The following LAPTM4B variants were observed in gnomAD, a reference collection of about 807,000 sequenced individuals.
The protein encoded by LAPTM4B is lysosomal-associated transmembrane protein 4B.
Under a neutral mutation model 28.5 loss-of-function variants are expected in LAPTM4B, and 26 were observed. The observed-to-expected ratio is 0.91, with a 90% CI of 0.67 to 1.27. The LOEUF (loss-of-function observed/expected upper bound fraction) is 1.27, where lower values mean the gene tolerates loss of function less well. Ranked by LOEUF, LAPTM4B falls within the 50% of genes most tolerant of loss-of-function variation. LAPTM4B has a pLI of 0.00. For synonymous variants in LAPTM4B, 109 were observed against 106.4 expected, an observed-to-expected ratio of 1.02 and a Z score of -0.15; for missense variants, 288 against 285.8, an observed-to-expected ratio of 1.01 and a Z score of -0.06.
chr8:97,801,131 G>A (rs2468034), intron 1 of LAPTM4B, among the ~76,000 whole-genome samples: 150,441 of 151,288 alleles, frequency 0.99, 74,806 homozygotes, highest in Middle Eastern at 1. Context: ...ACCCTACCCT[G>A]TTATGATAAC....
intron 1 of LAPTM4B, among the ~76,000 whole-genome samples, chr8:97,786,548 A>G (rs984135317): frequency 3.9e-5 from 6 of 151,948 alleles, no homozygotes; most frequent in Non-Finnish European, 8.8e-5. Flanking sequence ...CTAAAAATAC[A>G]AAAAAATAGG....
chr8:97,828,489 T>A (rs1292286573), intron 6 of LAPTM4B, among the ~76,000 whole-genome samples: 3 of 152,304 alleles, frequency 2.0e-5, no homozygotes, highest in Non-Finnish European at 2.9e-5. Flanking sequence ...GGAGGAGCCA[T>A]GAAGCTAAGC....
intron 4 of LAPTM4B, among the ~76,000 whole-genome samples, chr8:97,818,870 GAAAAA>G (rs58053654): frequency 8.5e-6 from 1 of 117,966 alleles, no homozygotes; most frequent in African/African-American, 3.1e-5. Context: ...TCTCAAAAAA[GAAAAA>G]AAAAAAAAAA....
At chr8:97,776,142 T>A (rs760227866) in intron 1 of LAPTM4B, 34 bp downstream of exon 1, 25 of 1,491,712 alleles carry the variant, frequency 1.7e-5, no homozygotes, top group Non-Finnish European at 2.2e-5. Context: ...GGACCCTGCG[T>A]TGCTTCCGCG....
At chr8:97,838,596 G>T (rs117326077) in intron 6 of LAPTM4B, among the ~76,000 whole-genome samples, 3,687 of 152,280 alleles carry the variant, frequency 0.024, 57 homozygotes, top group Non-Finnish European at 0.038. Flanking sequence ...ACTACAACCT[G>T]ATCAGCCTGG....
chr8:97,851,685 T>C lies in LAPTM4B; in HGVS notation c.*211T>C, dbSNP rs1256083325. The C allele has an allele frequency of 6.9e-6, 4 of 583,718 alleles. No homozygotes were observed. Among genetic ancestry groups the C allele is most frequent in the Non-Finnish European group, 1.2e-5 (4 of 328,712 alleles). 36.2% of individuals were successfully genotyped at this position (583,718 alleles called of 1,614,324 possible). On this transcript the variant is annotated 3_prime_UTR_variant, in exon 7 of 7. Transcript: ENST00000521545. ...TAGATTAACTGTAGAATTCTTCCTG[T>C]ACGATTGGGGATATAATGGGCTTCA...
At chr8:97,831,794 G>A (rs550416022) in intron 6 of LAPTM4B, among the ~76,000 whole-genome samples, 1 of 152,280 alleles carries the variant, frequency 6.6e-6, no homozygotes, top group South Asian at 2.1e-4. Context: ...TGCCTCTTTC[G>A]CTGTTTTGTG....
At chr8:97,824,462 G>A (rs746426591) in intron 5 of LAPTM4B, among the ~76,000 whole-genome samples, 8 of 152,002 alleles carry the variant, frequency 5.3e-5, no homozygotes, top group Admixed American at 6.6e-5. Context: ...AACATCTCCC[G>A]TGAACTCATG....
At chr8:97,801,273 C>G (rs112119113) in intron 1 of LAPTM4B, among the ~76,000 whole-genome samples, 2 of 151,366 alleles carry the variant, frequency 1.3e-5, no homozygotes, top group Non-Finnish European at 2.9e-5. Flanking sequence ...CCGCCCCCCA[C>G]TGGGTTCAAG....
At chr8:97,786,543 A>T (rs189645004) in intron 1 of LAPTM4B, among the ~76,000 whole-genome samples, 1 of 152,004 alleles carries the variant, frequency 6.6e-6, no homozygotes, top group Non-Finnish European at 1.5e-5. Flanking sequence ...CTCTACTAAA[A>T]ATACAAAAAA....
intron 5 of LAPTM4B, among the ~76,000 whole-genome samples, chr8:97,821,133 C>G (rs1363079449): frequency 6.6e-6 from 1 of 151,738 alleles, no homozygotes; most frequent in South Asian, 2.1e-4. Flanking sequence ...ATCAGGAGAT[C>G]GAGACCATCC....
intron 1 of LAPTM4B, among the ~76,000 whole-genome samples, chr8:97,798,206 G>C (rs1219901411): frequency 6.6e-6 from 1 of 152,124 alleles, no homozygotes. Context: ...TTGGGGCTTT[G>C]ACTCATGTTT....
chr8:97,850,580 T>G (rs1817509573), intron 6 of LAPTM4B, among the ~76,000 whole-genome samples: 1 of 150,174 alleles, frequency 6.7e-6, no homozygotes, highest in South Asian at 2.1e-4. Flanking sequence ...ATTAACAAAA[T>G]TGATGAATAC....
At chr8:97,786,242 A>G (rs1351368785) in intron 1 of LAPTM4B, among the ~76,000 whole-genome samples, 2 of 152,188 alleles carry the variant, frequency 1.3e-5, no homozygotes, top group Non-Finnish European at 2.9e-5. Context: ...AAAGCAAACA[A>G]AGACCACACT....
At chr8:97,783,649 T>A (rs764372417) in intron 1 of LAPTM4B, among the ~76,000 whole-genome samples, 2 of 152,174 alleles carry the variant, frequency 1.3e-5, no homozygotes, top group African/African-American at 2.4e-5. Context: ...TAGAGAAGTT[T>A]ACCACATACC....
Position 97,851,779 on chromosome 8 carries a change from T to C in LAPTM4B, c.*305T>C, listed in dbSNP as rs1817527637. On this transcript the variant is annotated 3_prime_UTR_variant, in exon 7 of 7. Transcript: ENST00000521545. ...CCTAGAAGTCTGCTTTTGTACCTGC[T>C]GGGCCCCAAAGTTGGGCATTTTTCT... is the stretch of plus-strand genomic sequence containing the variant. 1 of 322,274 alleles carries C rather than the reference T, an allele frequency of 3.1e-6. No individual in the cohort carries two copies. The highest frequency in any genetic ancestry group is 5.6e-6 in the Non-Finnish European group (1 of 178,206). The allele number at this position is 322,274 out of a possible 1,614,324, so 20.0% of individuals were successfully genotyped here.
At chr8:97,788,985 C>T (rs1235805781) in intron 1 of LAPTM4B, among the ~76,000 whole-genome samples, 3 of 152,130 alleles carry the variant, frequency 2.0e-5, no homozygotes, top group Middle Eastern at 3.4e-3. Context: ...TGAGCTACAG[C>T]GCCCAGCCCT....
At chr8:97,843,666 G>A (rs1660474971) in intron 6 of LAPTM4B, among the ~76,000 whole-genome samples, 1 of 152,042 alleles carries the variant, frequency 6.6e-6, no homozygotes. Context: ...TGTAATCCCA[G>A]CTACTTGGGA....
chr8:97,776,131 G>C (rs1312664458), intron 1 of LAPTM4B, 23 bp downstream of exon 1: 1 of 1,486,286 alleles, frequency 6.7e-7, no homozygotes, highest in African/African-American at 1.4e-5. Flanking sequence ...CGCCCGGCCC[G>C]GGACCCTGCG....
Sources: gnomAD v4.1 joint callset for allele counts (sites outside exome capture counted in the v4.1 genomes callset) on GRCh38, gnomAD v4.1.1 for gene constraint, MANE v1.5 for transcripts, NCBI Gene and HGNC (gene_info 2026-07-23, HGNC 2026-07-21) for gene names.